Variants in RBFOX1 observed in about 807,000 individuals in gnomAD.
The protein encoded by RBFOX1 is RNA binding protein fox-1 homolog 1.
A neutral mutation model predicts 57.7 loss-of-function variants in RBFOX1; 8 were observed. That is an observed-to-expected ratio of 0.14 (90% CI 0.08 to 0.25). RBFOX1 has a LOEUF of 0.25. Among genes scored for constraint, RBFOX1 ranks in the 10% least tolerant of loss-of-function variants. The pLI is 1.00. For synonymous variants in RBFOX1, 326 were observed against 222.4 expected, an observed-to-expected ratio of 1.47 and a Z score of -4.15; for missense variants, 611 against 548.5, an observed-to-expected ratio of 1.11 and a Z score of -1.14.
chr16:7,529,235 T>G (rs2079408157), intron 5 of RBFOX1, among the ~76,000 whole-genome samples: 2 of 152,170 alleles, frequency 1.3e-5, no homozygotes. Context: ...CACTCCACCC[T>G]GAGTGACAGA....
rs73540794 is a variant in RBFOX1 at position 7,089,856 on chromosome 16, C to G, written c.27+37758C>G. On this transcript the variant is annotated intron_variant, in intron 4 of 15. Transcript: ENST00000550418. The stretch of plus-strand genomic sequence containing the variant: ...ACATTGAAAAATGGGCACTACCTTC[C>G]TTTCCTGTGCTCAAGTATTCTGTTT... 9.4e-3 allele frequency among the ~76,000 whole-genome samples: 1,436 copies of G among 151,984 alleles called. 26 individuals carry two copies. The highest frequency in any genetic ancestry group is 0.027 in the East Asian group (140 of 5,156).
chr16:6,991,657 T>C (rs1450874157), intron 3 of RBFOX1, among the ~76,000 whole-genome samples: 2 of 152,110 alleles, frequency 1.3e-5, no homozygotes, highest in East Asian at 3.9e-4. Flanking sequence ...CTACCTCAGC[T>C]GTCCAAGTAG....
intron 4 of RBFOX1, among the ~76,000 whole-genome samples, chr16:7,221,577 G>A (rs2092735505): frequency 6.6e-6 from 1 of 152,136 alleles, no homozygotes; most frequent in Non-Finnish European, 1.5e-5. Flanking sequence ...ATGTTGGCCA[G>A]GGTAGTCTTG....
At chr16:7,705,877 G>A (rs2082269743) in intron 14 of RBFOX1, among the ~76,000 whole-genome samples, 1 of 152,188 alleles carries the variant, frequency 6.6e-6, no homozygotes, top group East Asian at 1.9e-4. Context: ...AATTACTGAT[G>A]GATGGGAAGT....
At chr16:6,393,578 C>G (rs936874375) in intron 2 of RBFOX1, among the ~76,000 whole-genome samples, 2 of 152,164 alleles carry the variant, frequency 1.3e-5, no homozygotes, top group African/African-American at 4.8e-5. Flanking sequence ...CTTCTCAGTT[C>G]CCTTTCAATC....
chr16:6,961,135 T>TCACACACACTCACACACACACA (rs34830899), intron 3 of RBFOX1, among the ~76,000 whole-genome samples: 1 of 25,918 alleles, frequency 3.9e-5, no homozygotes, highest in African/African-American at 1.2e-4. Flanking sequence ...AGAGACTCCA[T>TCACACACACTCACACACACACA]CACACACACC....
chr16:7,020,438 C>G (rs746798590), intron 3 of RBFOX1, among the ~76,000 whole-genome samples: 11 of 152,102 alleles, frequency 7.2e-5, no homozygotes, highest in Admixed American at 7.2e-4. Context: ...TGAGGCTGGT[C>G]TTGAACTCCT....
chr16:6,952,720 G>A (rs1598240616), intron 3 of RBFOX1, among the ~76,000 whole-genome samples: 1 of 152,204 alleles, frequency 6.6e-6, no homozygotes, highest in Non-Finnish European at 1.5e-5. Context: ...GCTCATGCCT[G>A]TCAGCTCAGC....
intron 5 of RBFOX1, among the ~76,000 whole-genome samples, chr16:7,568,384 T>C (rs1403349719): frequency 1.3e-5 from 2 of 152,150 alleles, no homozygotes; most frequent in African/African-American, 4.8e-5. Context: ...GCCATGGCAT[T>C]TGGAAACTGT....
At chr16:5,863,101 C>A (rs1157595286) in intron 3 of RBFOX1, among the ~76,000 whole-genome samples, 2 of 152,088 alleles carry the variant, frequency 1.3e-5, no homozygotes, top group Non-Finnish European at 2.9e-5. Context: ...CCTGGTGTGG[C>A]CTTGGGCAAG....
intron 12 of RBFOX1, among the ~76,000 whole-genome samples, chr16:7,662,125 C>A (rs1367606365): frequency 1.3e-5 from 2 of 152,224 alleles, no homozygotes; most frequent in East Asian, 1.9e-4. Flanking sequence ...CCCGTTGGAA[C>A]AGCCTCCAAG....
Position 5,830,379 on chromosome 16 carries a change from G to GT in RBFOX1, c.319-36912dup, listed in dbSNP as rs112765671. Reference sequence around the variant, plus strand: ...TAAATTTCCAATCATTTTGCTTTTTGTTTTTTTTTTTTGTTCTTTCTGTAA... The same window carrying GT: ...TAAATTTCCAATCATTTTGCTTTTTGTTTTTTTTTTTTTGTTCTTTCTGTAA... On this transcript the variant is annotated intron_variant, in intron 3 of 19. Coordinates refer to the RBFOX1 transcript ENST00000641259. 6.5e-3 allele frequency among the ~76,000 whole-genome samples: 920 copies of GT among 141,442 alleles called. 7 individuals are homozygous for GT. Among genetic ancestry groups the GT allele is most frequent in the Middle Eastern group, 0.029 (8 of 274 alleles). The allele number at this position is 141,442 out of a possible 152,430, so 92.8% of individuals were successfully genotyped here. A position where few individuals can be genotyped will look rare whatever the true frequency, so the allele number is the denominator to read the frequency against.
chr16:5,773,864 AT>A (rs1276850551), intron 3 of RBFOX1, among the ~76,000 whole-genome samples: 2 of 151,924 alleles, frequency 1.3e-5, no homozygotes, highest in Admixed American at 1.3e-4. Context: ...TGCCTGGCTA[AT>A]TTTTGTATTT....
chr16:6,019,992 G>C lies in RBFOX1; in HGVS notation c.-127G>C, dbSNP rs1333844918. 1 of 1,525,404 alleles carries C rather than the reference G, an allele frequency of 6.6e-7. No homozygotes were observed. Among genetic ancestry groups the C allele is most frequent in the East Asian group, 2.5e-5 (1 of 40,520 alleles). The allele number at this position is 1,525,404 out of a possible 1,614,324, so 94.5% of individuals were successfully genotyped here. On this transcript the variant is annotated splice_region_variant and 5_prime_UTR_variant, in exon 1 of 16. Transcript: ENST00000550418. This position sits in a 1 kb window ranked among gnomAD's most constrained non-coding sequence, Gnocchi z 4.2. ...GCAGCCGGGCTCGCCGGGAGTTCTA[G>C]GTAAGTCCAGGCGGAGTCATTGCCT...
At chr16:7,539,451 A>G (rs1368278606) in intron 5 of RBFOX1, among the ~76,000 whole-genome samples, 1 of 152,204 alleles carries the variant, frequency 6.6e-6, no homozygotes, top group African/African-American at 2.4e-5. Context: ...TAGGTGGAAC[A>G]CGGGATAATA....
intron 1 of RBFOX1, among the ~76,000 whole-genome samples, chr16:6,107,517 T>C (rs1422110654): frequency 1.3e-5 from 2 of 152,148 alleles, no homozygotes; most frequent in Non-Finnish European, 2.9e-5. Context: ...CTCTATGTAT[T>C]AATTAAAATG....
intron 4 of RBFOX1, among the ~76,000 whole-genome samples, chr16:7,105,961 G>C (rs1599653947): frequency 6.6e-6 from 1 of 152,098 alleles, no homozygotes; most frequent in South Asian, 2.1e-4. Flanking sequence ...TCCAGTCTTT[G>C]TCTGTGCTAA....
At chr16:6,657,216 CTCCTTCCTTCCTTCTTTT>C (rs2098665170) in intron 3 of RBFOX1, among the ~76,000 whole-genome samples, 1 of 151,584 alleles carries the variant, frequency 6.6e-6, no homozygotes, top group Admixed American at 6.6e-5. Flanking sequence ...TCCTTCCTCC[CTCCTTCCTTCCTTCTTTT>C]TCCTTCCTTC....
chr16:7,195,032 G>A (rs1231238223), intron 4 of RBFOX1, among the ~76,000 whole-genome samples: 5 of 144,312 alleles, frequency 3.5e-5, no homozygotes, highest in Non-Finnish European at 7.7e-5. Flanking sequence ...GTTGTTTATT[G>A]TTCTTCTAAT....
Sources: gnomAD v4.1 joint callset for allele counts (sites outside exome capture counted in the v4.1 genomes callset) on GRCh38, gnomAD v4.1.1 for gene constraint, Gnocchi (gnomAD v3.1) non-coding constraint, MANE v1.5 for transcripts, NCBI Gene and HGNC (gene_info 2026-07-23, HGNC 2026-07-21) for gene names.